The following GPC6 variants were observed in gnomAD, a reference collection of about 807,000 sequenced individuals.
The protein encoded by GPC6 is glypican-6.
GPC6 carries 14 observed loss-of-function variants against 55.2 expected under a neutral mutation model. That is an observed-to-expected ratio of 0.25 (90% CI 0.17 to 0.40). The LOEUF is 0.40. Ranked by LOEUF, GPC6 falls within the 10% of genes least tolerant of loss-of-function variation. GPC6 has a pLI of 1.00. For synonymous variants in GPC6, 278 were observed against 259.6 expected (o/e 1.07, Z -0.68); for missense variants, 641 against 708.5 (o/e 0.90, Z 1.08).
chr13:93,678,763 A>G (rs1041658319), intron 2 of GPC6, among the ~76,000 whole-genome samples: 2 of 152,158 alleles, frequency 1.3e-5, no homozygotes. Flanking sequence ...CTCACACACC[A>G]GATTTAAGGT....
Position 94,321,924 on chromosome 13 carries a change from G to A in GPC6, c.1152+15801G>A, listed in dbSNP as rs966912015. Among the ~76,000 whole-genome samples, 28 of 152,238 alleles carry A rather than the reference G, an allele frequency of 1.8e-4. No homozygotes were observed. The East Asian group carries it at 2.1e-3, about 12-fold the overall frequency. On this transcript the variant is annotated intron_variant, in intron 6 of 8. Transcript: ENST00000377047. ...TCACTAAAAGATGTCACCTATATCC[G>A]TAAACACTGACCTTCAGAGAGGCAA...
At chr13:93,412,002 C>CAA (rs58692924) in intron 1 of GPC6, among the ~76,000 whole-genome samples, 23,593 of 138,026 alleles carry the variant, frequency 0.17, 2,353 homozygotes, top group East Asian at 0.47. Flanking sequence ...GACTATGTCT[C>CAA]AAAAAAAAAA....
At chr13:93,856,391 C>T (rs1191676705) in intron 3 of GPC6, among the ~76,000 whole-genome samples, 2 of 151,476 alleles carry the variant, frequency 1.3e-5, no homozygotes, top group African/African-American at 4.8e-5. Flanking sequence ...GAGCACTTAC[C>T]TTGTTTCAGG....
intron 1 of GPC6, among the ~76,000 whole-genome samples, chr13:93,508,642 G>A (rs766006902): frequency 1.4e-4 from 21 of 152,188 alleles, no homozygotes; most frequent in Non-Finnish European, 2.1e-4. Context: ...TAGAAAAAGT[G>A]TTGAGTATTA....
At chr13:93,743,661 A>G (rs953897665) in intron 2 of GPC6, among the ~76,000 whole-genome samples, 64 of 152,176 alleles carry the variant, frequency 4.2e-4, no homozygotes, top group African/African-American at 1.3e-3. Context: ...GGCTTCTAAT[A>G]TATTTATTGT....
At chr13:93,339,128 G>A (rs1880146947) in intron 1 of GPC6, among the ~76,000 whole-genome samples, 1 of 152,048 alleles carries the variant, frequency 6.6e-6, no homozygotes, top group Admixed American at 6.5e-5. Flanking sequence ...TGTATACCTA[G>A]CAGAGTGACT....
intron 1 of GPC6, among the ~76,000 whole-genome samples, chr13:93,378,468 C>T (rs893859481): frequency 6.6e-6 from 1 of 152,116 alleles, no homozygotes; most frequent in Non-Finnish European, 1.5e-5. Flanking sequence ...ACTCTTAATT[C>T]CTCAGTTAAT....
At chr13:94,120,149 G>T (rs1886574280) in intron 4 of GPC6, among the ~76,000 whole-genome samples, 1 of 151,894 alleles carries the variant, frequency 6.6e-6, no homozygotes, top group Non-Finnish European at 1.5e-5. Flanking sequence ...GAGCTGGTAT[G>T]AGCTGGCTTC....
At chr13:94,310,954 C>G (rs1405609408) in intron 6 of GPC6, among the ~76,000 whole-genome samples, 1 of 152,090 alleles carries the variant, frequency 6.6e-6, no homozygotes, top group African/African-American at 2.4e-5. Context: ...GCATAAGGTG[C>G]TAATGTTTCC....
chr13:93,770,150 A>C (rs1413350359), intron 2 of GPC6, among the ~76,000 whole-genome samples: 1 of 152,186 alleles, frequency 6.6e-6, no homozygotes, highest in East Asian at 1.9e-4. Context: ...AAAAAACCAT[A>C]CAACCCCCAC....
intron 6 of GPC6, among the ~76,000 whole-genome samples, chr13:94,340,056 C>T (rs2139154794): frequency 6.6e-6 from 1 of 152,266 alleles, no homozygotes; most frequent in African/African-American, 2.4e-5. Context: ...AGCCAGCGCA[C>T]CAGCCTAATT....
chr13:93,750,514 C>T (rs1407906146), intron 2 of GPC6, among the ~76,000 whole-genome samples: 1 of 152,128 alleles, frequency 6.6e-6, no homozygotes, highest in Non-Finnish European at 1.5e-5. Context: ...GTTGCTACTT[C>T]CTATTTCAAT....
intron 4 of GPC6, among the ~76,000 whole-genome samples, chr13:94,164,853 G>T (rs1040409853): frequency 6.6e-6 from 1 of 151,900 alleles, no homozygotes; most frequent in Non-Finnish European, 1.5e-5. Flanking sequence ...GTGAAACATA[G>T]AATTTAGTAG....
intron 1 of GPC6, among the ~76,000 whole-genome samples, chr13:93,422,082 T>G (rs1876942882): frequency 6.6e-6 from 1 of 152,178 alleles, no homozygotes; most frequent in African/African-American, 2.4e-5. Context: ...ACACTTCCAC[T>G]TTGGGCTGCT....
At chr13:93,620,820 C>T (rs919105802) in intron 2 of GPC6, among the ~76,000 whole-genome samples, 1 of 152,120 alleles carries the variant, frequency 6.6e-6, no homozygotes, top group Non-Finnish European at 1.5e-5. Context: ...ACCAGTCTCC[C>T]CATTCCCAAC....
chr13:93,238,489 G>A (rs1377686008), intron 1 of GPC6, among the ~76,000 whole-genome samples: 1 of 139,776 alleles, frequency 7.2e-6, no homozygotes, highest in Non-Finnish European at 1.6e-5. Flanking sequence ...GGAGTCTTTA[G>A]GGTTTTTTTA....
chr13:93,504,961 G>T (rs569673570), intron 1 of GPC6, among the ~76,000 whole-genome samples: 3 of 152,230 alleles, frequency 2.0e-5, no homozygotes, highest in South Asian at 2.1e-4. Flanking sequence ...GTACAAATCT[G>T]TACCTCTTTG....
intron 3 of GPC6, among the ~76,000 whole-genome samples, chr13:93,904,390 C>G: frequency 6.6e-6 from 1 of 152,222 alleles, no homozygotes; most frequent in South Asian, 2.1e-4. Flanking sequence ...GACATTTACA[C>G]CCCCAAGAGC....
At chr13:93,796,723 A>AT (rs1467624490) in intron 2 of GPC6, among the ~76,000 whole-genome samples, 4 of 152,094 alleles carry the variant, frequency 2.6e-5, no homozygotes, top group South Asian at 2.1e-4. Context: ...AGTGAAATCT[A>AT]TTTTTTTAAG....
Sources: allele counts gnomAD v4.1 joint callset (sites outside exome capture counted in the v4.1 genomes callset), GRCh38; gene constraint gnomAD v4.1.1; transcripts MANE v1.5; gene names NCBI Gene and HGNC (gene_info 2026-07-23, HGNC 2026-07-21).